The following KCNIP4 variants were observed in gnomAD, a reference collection of about 807,000 sequenced individuals.
KCNIP4 encodes Kv channel-interacting protein 4.
Under a neutral mutation model 34.0 loss-of-function variants are expected in KCNIP4, and 12 were observed. That is an observed-to-expected ratio of 0.35 (90% CI 0.23 to 0.57). The LOEUF (loss-of-function observed/expected upper bound fraction) is 0.57, where lower values mean the gene tolerates loss of function less well. KCNIP4 is among the 20% of genes least tolerant of loss of function. The pLI is 0.83. For synonymous variants in KCNIP4, 124 were observed against 102.2 expected, an observed-to-expected ratio of 1.21 and a Z score of -1.29; for missense variants, 238 against 311.7, an observed-to-expected ratio of 0.76 and a Z score of 1.78.
chr4:21,644,621 G>C (rs895105875), intron 1 of KCNIP4, among the ~76,000 whole-genome samples: 1 of 152,070 alleles, frequency 6.6e-6, no homozygotes, highest in Non-Finnish European at 1.5e-5. Flanking sequence ...TTTAGTCAAC[G>C]CCTGGGTTTA....
intron 1 of KCNIP4, among the ~76,000 whole-genome samples, chr4:20,932,809 C>G (rs1577388636): frequency 6.6e-6 from 1 of 151,852 alleles, no homozygotes; most frequent in South Asian, 2.1e-4. Flanking sequence ...TATAAAGAAA[C>G]AAATGAGAAA....
At chr4:21,594,262 G>A (rs1035732946) in intron 1 of KCNIP4, among the ~76,000 whole-genome samples, 1 of 152,060 alleles carries the variant, frequency 6.6e-6, no homozygotes, top group Admixed American at 6.6e-5. Flanking sequence ...AGAGTTTAGA[G>A]ATATAGAAAT....
At position 21,765,824 on chromosome 4, in the gene KCNIP4, A is replaced by G. The variant is rs1397941948; in HGVS notation, c.61+182747T>C. Among the ~76,000 whole-genome samples the G allele has an allele frequency of 2.6e-5, 3 of 117,380 alleles. No homozygotes were observed. In the African/African-American group the frequency reaches 2.9e-4, roughly 11 times the overall value. 77.0% of individuals were successfully genotyped at this position (117,380 alleles called of 152,430 possible). On this transcript the variant is annotated intron_variant, in intron 1 of 8. Coordinates refer to ENST00000382152, the MANE Select transcript of KCNIP4 (RefSeq NM_025221.6). Reference sequence around the variant, plus strand: ...AGATCTTAGCACCAGGCCGTGAAAAAAAAAAAAAAAAAAAACAAACTGAAG... The same window carrying G: ...AGATCTTAGCACCAGGCCGTGAAAAGAAAAAAAAAAAAAAACAAACTGAAG...
intron 1 of KCNIP4, among the ~76,000 whole-genome samples, chr4:21,925,857 T>C (rs915944598): frequency 2.6e-5 from 4 of 152,026 alleles, no homozygotes; most frequent in African/African-American, 4.8e-5. Flanking sequence ...CTCAAGAAAT[T>C]TGTTGAATTA....
chr4:21,110,580 TA>T, intron 1 of KCNIP4, among the ~76,000 whole-genome samples: 1 of 152,382 alleles, frequency 6.6e-6, no homozygotes, highest in Non-Finnish European at 1.5e-5. Context: ...ATTTGTGCTA[TA>T]AATGGAATGT....
chr4:21,530,672 T>C (rs987061219), intron 1 of KCNIP4, among the ~76,000 whole-genome samples: 5 of 152,278 alleles, frequency 3.3e-5, no homozygotes, highest in South Asian at 2.1e-4. Flanking sequence ...TTCTATATCA[T>C]TGGATAAGGA....
chr4:21,435,642 T>C (rs1726880519), intron 1 of KCNIP4, among the ~76,000 whole-genome samples: 1 of 152,196 alleles, frequency 6.6e-6, no homozygotes, highest in African/African-American at 2.4e-5. Context: ...TGACAGTGGA[T>C]AACACATTTC....
chr4:21,096,750 TTTTAA>T (rs1276958268), intron 1 of KCNIP4, among the ~76,000 whole-genome samples: 3 of 152,160 alleles, frequency 2.0e-5, no homozygotes, highest in Non-Finnish European at 4.4e-5. Flanking sequence ...CTTTGAATAA[TTTTAA>T]TTTAAAGAGA....
At chr4:21,008,610 G>A (rs949914168) in intron 1 of KCNIP4, among the ~76,000 whole-genome samples, 7 of 151,416 alleles carry the variant, frequency 4.6e-5, no homozygotes, top group East Asian at 1.9e-4. Flanking sequence ...TGCAAGCTCC[G>A]CCTCCCGGGT....
chr4:21,738,259 A>T (rs1716148410), intron 1 of KCNIP4, among the ~76,000 whole-genome samples: 1 of 152,110 alleles, frequency 6.6e-6, no homozygotes, highest in South Asian at 2.1e-4. Flanking sequence ...TCAAAAGAAA[A>T]TCCCACAGTA....
chr4:21,237,482 A>G (rs1759452932), intron 1 of KCNIP4, among the ~76,000 whole-genome samples: 2 of 152,080 alleles, frequency 1.3e-5, no homozygotes, highest in African/African-American at 2.4e-5. Context: ...CATTAAAAGT[A>G]GCTGCCTGTT....
At chr4:21,291,915 GAA>G in intron 1 of KCNIP4, among the ~76,000 whole-genome samples, 1 of 60,636 alleles carries the variant, frequency 1.6e-5, no homozygotes, top group African/African-American at 1.1e-4. Flanking sequence ...AAGAAAGAAA[GAA>G]AGAAAGAAAG....
chr4:21,040,850 T>C (rs985590970), intron 1 of KCNIP4, among the ~76,000 whole-genome samples: 1 of 143,562 alleles, frequency 7.0e-6, no homozygotes, highest in Non-Finnish European at 1.5e-5. Flanking sequence ...ATAAGAAGCG[T>C]TTTTTTTTCT....
At position 21,128,217 on chromosome 4, in the gene KCNIP4, G is replaced by C. The variant is rs80292136; in HGVS notation, c.62-245508C>G. Among the ~76,000 whole-genome samples, 1,109 of 152,290 alleles carry C rather than the reference G, an allele frequency of 7.3e-3. 18 individuals are homozygous for C. The highest frequency in any genetic ancestry group is 0.025 in the African/African-American group (1,059 of 41,550). ...ACAACAGCTTTCATAGAGAGTAAAAGGGAAAGTCAAGGGAAGAAAGTCTGT... is the reference window on the plus strand; with the variant it reads ...ACAACAGCTTTCATAGAGAGTAAAACGGAAAGTCAAGGGAAGAAAGTCTGT... On this transcript the variant is annotated intron_variant, in intron 1 of 8. Coordinates refer to ENST00000382152, the MANE Select transcript of KCNIP4 (RefSeq NM_025221.6).
chr4:21,270,466 G>A (rs11722925), intron 1 of KCNIP4, among the ~76,000 whole-genome samples: 39,016 of 152,052 alleles, frequency 0.26, 5,191 homozygotes, highest in South Asian at 0.35. Flanking sequence ...GCTACTGATT[G>A]TAAAACAGTT....
intron 1 of KCNIP4, among the ~76,000 whole-genome samples, chr4:21,137,452 C>T (rs1182957469): frequency 1.3e-5 from 2 of 152,054 alleles, no homozygotes; most frequent in Non-Finnish European, 2.9e-5. Flanking sequence ...CTTTGTAATA[C>T]AATATTTGAT....
intron 1 of KCNIP4, among the ~76,000 whole-genome samples, chr4:21,446,080 T>C (rs530343725): frequency 3.1e-4 from 47 of 152,000 alleles, no homozygotes; most frequent in African/African-American, 1.1e-3. Flanking sequence ...TGAGATACCA[T>C]CTCACACCGG....
chr4:20,756,043 A>T (rs1479353157), intron 4 of KCNIP4, among the ~76,000 whole-genome samples: 1 of 152,092 alleles, frequency 6.6e-6, no homozygotes, highest in African/African-American at 2.4e-5. Context: ...TTTTAACGGG[A>T]TCACTCTGAC....
intron 1 of KCNIP4, among the ~76,000 whole-genome samples, chr4:21,012,231 ATAATT>A (rs2149733798): frequency 6.6e-6 from 1 of 152,278 alleles, no homozygotes; most frequent in African/African-American, 2.4e-5. Context: ...ACATTTGAAT[ATAATT>A]TAATCTAGGC....
Sources: allele counts gnomAD v4.1 joint callset (sites outside exome capture counted in the v4.1 genomes callset), GRCh38; gene constraint gnomAD v4.1.1; transcripts MANE v1.5; gene names NCBI Gene and HGNC (gene_info 2026-07-23, HGNC 2026-07-21).